Variants in MAGI1 observed in about 807,000 individuals in gnomAD.
MAGI1 encodes the protein membrane-associated guanylate kinase, WW and PDZ domain-containing protein 1.
Under a neutral mutation model 139.9 loss-of-function variants are expected in MAGI1, and 58 were observed. That is an observed-to-expected ratio of 0.41 (90% CI 0.34 to 0.52). The LOEUF (loss-of-function observed/expected upper bound fraction) is 0.52, where lower values mean the gene tolerates loss of function less well. MAGI1 is among the 20% of genes least tolerant of loss of function. MAGI1 has a pLI of 0.12. For missense variants in MAGI1, 1,874 were observed against 1,901.6 expected, an observed-to-expected ratio of 0.99 and a Z score of 0.27; for synonymous variants, 812 against 737.9, an observed-to-expected ratio of 1.10 and a Z score of -1.63.
intron 1 of MAGI1, among the ~76,000 whole-genome samples, chr3:65,733,280 G>A (rs914782792): frequency 6.6e-6 from 1 of 151,972 alleles, no homozygotes; most frequent in Non-Finnish European, 1.5e-5. Flanking sequence ...GGCTAGTCTC[G>A]AACTCCTGAC....
chr3:65,530,735 A>ACG (rs1329290684), intron 2 of MAGI1, among the ~76,000 whole-genome samples: 20 of 107,476 alleles, frequency 1.9e-4, no homozygotes, highest in African/African-American at 6.5e-4. Context: ...ACACGTATAT[A>ACG]TATATGCACA....
At chr3:65,417,156 C>T (rs1946279492) in intron 12 of MAGI1, among the ~76,000 whole-genome samples, 1 of 152,158 alleles carries the variant, frequency 6.6e-6, no homozygotes, top group Non-Finnish European at 1.5e-5. Flanking sequence ...TGCAAGCACA[C>T]ACTGGGGCCT....
chr3:65,465,807 T>A (rs1194401130), intron 5 of MAGI1, among the ~76,000 whole-genome samples: 3 of 152,198 alleles, frequency 2.0e-5, no homozygotes, highest in Non-Finnish European at 2.9e-5. Flanking sequence ...AGTACTTTTC[T>A]TTTCAGTCCT....
At chr3:65,717,705 T>C (rs1576864228) in intron 1 of MAGI1, among the ~76,000 whole-genome samples, 1 of 152,190 alleles carries the variant, frequency 6.6e-6, no homozygotes, top group Admixed American at 6.5e-5. Context: ...AAACTTTCCA[T>C]TCCAGGAATC....
At chr3:65,913,870 C>A (rs1459664176) in intron 1 of MAGI1, among the ~76,000 whole-genome samples, 1 of 152,048 alleles carries the variant, frequency 6.6e-6, no homozygotes, top group East Asian at 1.9e-4. Context: ...GACTGTGTAT[C>A]CCAAGGTCTT....
intron 2 of MAGI1, among the ~76,000 whole-genome samples, chr3:65,616,185 C>T (rs956448412): frequency 1.4e-5 from 2 of 145,440 alleles, no homozygotes; most frequent in African/African-American, 5.3e-5. Flanking sequence ...ACTAGCAAAC[C>T]GATGCATAGC....
At chr3:65,865,995 A>C (rs140547824) in intron 1 of MAGI1, among the ~76,000 whole-genome samples, 1 of 152,230 alleles carries the variant, frequency 6.6e-6, no homozygotes, top group Non-Finnish European at 1.5e-5. Flanking sequence ...AATGATGTTC[A>C]TAACATATGA....
At chr3:65,656,939 C>T (rs189730952) in intron 1 of MAGI1, among the ~76,000 whole-genome samples, 1 of 140,448 alleles carries the variant, frequency 7.1e-6, no homozygotes, top group East Asian at 2.1e-4. Flanking sequence ...AAGATCACTC[C>T]ACTGCACTCC....
chr3:65,936,825 G>A (rs1576151900), intron 1 of MAGI1, among the ~76,000 whole-genome samples: 1 of 151,946 alleles, frequency 6.6e-6, no homozygotes, highest in Non-Finnish European at 1.5e-5. Flanking sequence ...TCAAACTCCT[G>A]GACTCAAGCA....
chr3:65,687,992 G>C (rs1356660083), intron 1 of MAGI1: 2 of 827,032 alleles, frequency 2.4e-6, no homozygotes, highest in Non-Finnish European at 4.1e-6. Flanking sequence ...TGAAGGACTT[G>C]AGGGTTTCGT....
At chr3:65,630,276 A>G (rs2084216346) in intron 1 of MAGI1, among the ~76,000 whole-genome samples, 1 of 152,188 alleles carries the variant, frequency 6.6e-6, no homozygotes, top group Non-Finnish European at 1.5e-5. Context: ...ACGAACAGAC[A>G]TGACCTCCAG....
chr3:65,921,096 G>A (rs2062158281), intron 1 of MAGI1, among the ~76,000 whole-genome samples: 1 of 151,704 alleles, frequency 6.6e-6, no homozygotes, highest in Admixed American at 6.6e-5. Context: ...GCCAAACTGA[G>A]TTCAGTTCAG....
chr3:65,667,258 T>A (rs1407799927), intron 1 of MAGI1, among the ~76,000 whole-genome samples: 2 of 152,150 alleles, frequency 1.3e-5, no homozygotes, highest in African/African-American at 4.8e-5. Flanking sequence ...TATGTGGGTA[T>A]CAGAGATGGG....
chr3:65,597,154 G>A (rs1292357126), intron 2 of MAGI1, among the ~76,000 whole-genome samples: 1 of 151,834 alleles, frequency 6.6e-6, no homozygotes, highest in Non-Finnish European at 1.5e-5. Context: ...TAATATGCAC[G>A]GGGACGTACT....
intron 1 of MAGI1, among the ~76,000 whole-genome samples, chr3:65,715,567 C>T (rs2032133762): frequency 6.6e-6 from 1 of 152,142 alleles, no homozygotes; most frequent in African/African-American, 2.4e-5. Context: ...TCCTAGGGGT[C>T]ACGTGCACAA....
chr3:65,595,884 C>G (rs1461887956), intron 2 of MAGI1, among the ~76,000 whole-genome samples: 1 of 152,136 alleles, frequency 6.6e-6, no homozygotes, highest in Non-Finnish European at 1.5e-5. Flanking sequence ...TCTGCCCCAT[C>G]CCCTTTCCCA....
At chr3:65,609,107 G>C (rs940161875) in intron 2 of MAGI1, among the ~76,000 whole-genome samples, 3 of 152,126 alleles carry the variant, frequency 2.0e-5, no homozygotes, top group African/African-American at 7.2e-5. Context: ...TTCAATAAGA[G>C]GAGACACAAG....
intron 1 of MAGI1, among the ~76,000 whole-genome samples, chr3:65,707,675 G>C (rs1230209328): frequency 7.3e-6 from 1 of 137,026 alleles, no homozygotes; most frequent in African/African-American, 2.8e-5. Context: ...GGGTGACAGA[G>C]TGATACCCTA....
rs1430014839 is a variant in MAGI1 at position 65,950,074 on chromosome 3, A to AC, written c.313+87921_313+87922insG. On this transcript the variant is annotated intron_variant, in intron 1 of 22. Coordinates refer to ENST00000402939, the MANE Select transcript of MAGI1 (RefSeq NM_001033057.2). ...AAAAAAAAAACAAAAAAACAAAAAAAAAACAAAAAAAAAAACAAACAAAAA... is the reference window on the plus strand; with the variant it reads ...AAAAAAAAAACAAAAAAACAAAAAAACAAACAAAAAAAAAAACAAACAAAAA... Among the ~76,000 whole-genome samples the AC allele has an allele frequency of 3.3e-3, 211 of 63,930 alleles. 9 individuals are homozygous for AC. The highest frequency in any genetic ancestry group is 6.3e-3 in the Admixed American group (38 of 6,062). 41.9% of individuals were successfully genotyped at this position (63,930 alleles called of 152,430 possible).
Sources: gnomAD v4.1 joint callset for allele counts (sites outside exome capture counted in the v4.1 genomes callset) on GRCh38, gnomAD v4.1.1 for gene constraint, MANE v1.5 for transcripts, NCBI Gene and HGNC (gene_info 2026-07-23, HGNC 2026-07-21) for gene names.